The following ITPR1 variants were observed in gnomAD, a reference collection of about 807,000 sequenced individuals.
ITPR1 encodes inositol 1,4,5-trisphosphate-gated calcium channel ITPR1.
A neutral mutation model predicts 318.4 loss-of-function variants in ITPR1; 96 were observed. The observed-to-expected ratio is 0.30, with a 90% CI of 0.26 to 0.36. The LOEUF (loss-of-function observed/expected upper bound fraction) is 0.36. Among genes scored for constraint, ITPR1 ranks in the 10% least tolerant of loss-of-function variants. The probability of loss-of-function intolerance (pLI) is 1.00; values close to 1 mark genes in which losing one functional copy is unlikely to be tolerated. For synonymous variants in ITPR1, 1,312 were observed against 1,289.9 expected (o/e 1.02, Z -0.37); for missense variants, 2,440 against 3,460.2 (o/e 0.71, Z 7.40).
chr3:4,517,263 A>C (rs1466810935), intron 3 of ITPR1, among the ~76,000 whole-genome samples: 1 of 152,228 alleles, frequency 6.6e-6, no homozygotes, highest in Non-Finnish European at 1.5e-5. Flanking sequence ...AGGCAGACAG[A>C]GGCAGAATGG....
chr3:4,831,131 T>TCTCTCACACACACACACA (rs879032970), intron 60 of ITPR1: 104 of 349,450 alleles, frequency 3.0e-4, no homozygotes, highest in African/African-American at 7.4e-4. Context: ...TCTCTCTCTC[T>TCTCTCACACACACACACA]CACACACACA....
intron 4 of ITPR1, among the ~76,000 whole-genome samples, chr3:4,545,335 A>C (rs1456440898): frequency 6.6e-6 from 1 of 152,086 alleles, no homozygotes; most frequent in Non-Finnish European, 1.5e-5. Context: ...TATATTAAAG[A>C]ATTTGGACTG....
intron 45 of ITPR1, chr3:4,768,284 C>T (rs1559862576): frequency 2.2e-6 from 1 of 456,792 alleles, no homozygotes; most frequent in East Asian, 3.4e-5. Flanking sequence ...CTGAAACACA[C>T]TGTACACGTA....
intron 3 of ITPR1, among the ~76,000 whole-genome samples, chr3:4,517,197 C>T (rs367631771): frequency 5.3e-5 from 8 of 152,196 alleles, no homozygotes; most frequent in African/African-American, 7.2e-5. Flanking sequence ...TATCTTCTCC[C>T]GTCTCCTCCT....
At chr3:4,675,604 A>C (rs1395071155) in intron 23 of ITPR1, among the ~76,000 whole-genome samples, 1 of 152,238 alleles carries the variant, frequency 6.6e-6, no homozygotes, top group African/African-American at 2.4e-5. Context: ...TATAACAAAT[A>C]CATGTCCTAT....
At position 4,725,556 on chromosome 3, in the gene ITPR1, C is replaced by G. The variant is rs1209272366; in HGVS notation, c.5147C>G (p.Ala1716Gly). 3.8e-6 allele frequency: 6 copies of G among 1,599,212 alleles called. No homozygotes were observed. Among genetic ancestry groups the G allele is most frequent in the Non-Finnish European group, 5.1e-6 (6 of 1,179,580 alleles). The change falls in exon 41 of 62, where the codon GCT (alanine) becomes GGT (glycine). Residue 1716 changes from alanine (A) to glycine (G), a missense_variant. Physicochemically the swap from Ala to Gly is moderately conservative, Grantham distance 60. Around this residue, in one of 23 missense-constraint regions of ITPR1, gnomAD observed 166 missense variants for 143.7 expected, o/e 1.16. Coordinates refer to ENST00000649015, the MANE Select transcript of ITPR1 (RefSeq NM_001378452.1). ...TTTACTCCCAATTAGCTTCCTCCAGCTCCGGATTCTGAGAACGCCACTGAG... is the reference window on the plus strand; with the variant it reads ...TTTACTCCCAATTAGCTTCCTCCAGGTCCGGATTCTGAGAACGCCACTGAG... ...DELDNAELPP[A>G]PDSENATEEL... is the part of the protein sequence containing the mutation.
intron 52 of ITPR1, among the ~76,000 whole-genome samples, chr3:4,790,755 C>A (rs2047504335): frequency 6.6e-6 from 1 of 152,206 alleles, no homozygotes; most frequent in Non-Finnish European, 1.5e-5. Flanking sequence ...GTAGTGAGAT[C>A]CGTCTGAGAC....
intron 4 of ITPR1, among the ~76,000 whole-genome samples, chr3:4,559,908 C>G (rs2086506048): frequency 6.6e-6 from 1 of 152,142 alleles, no homozygotes; most frequent in Non-Finnish European, 1.5e-5. Context: ...ACATGCTAGT[C>G]TCCCCTCCTA....
At chr3:4,546,469 T>G (rs914328462) in intron 4 of ITPR1, among the ~76,000 whole-genome samples, 2 of 152,190 alleles carry the variant, frequency 1.3e-5, no homozygotes, top group African/African-American at 4.8e-5. Flanking sequence ...GACTTGGAGC[T>G]AAGAGTTCCT....
At chr3:4,671,517 C>G (rs959502930) in intron 20 of ITPR1, 1 of 152,296 alleles carries the variant, frequency 6.6e-6, no homozygotes, top group African/African-American at 2.4e-5. Context: ...TTTCATGACT[C>G]CCTCCAGCTG....
In ITPR1 at chr3:4,683,369, A is replaced by G. The variant is rs1351466055; in HGVS notation, c.3162-17A>G. The G allele has an allele frequency of 5.6e-6, 9 of 1,613,806 alleles. No homozygotes were observed. The highest frequency in any genetic ancestry group is 7.6e-6 in the Non-Finnish European group (9 of 1,179,854). On this transcript the variant is annotated splice_polypyrimidine_tract_variant and intron_variant, in intron 26 of 61. Coordinates refer to ENST00000649015, the MANE Select transcript of ITPR1 (RefSeq NM_001378452.1). ...TTTGTCATTCATTTGGCCTTTCCCC[A>G]CCTTGTGCTCCTTTAGTGAGGAGAA...
At chr3:4,728,016 G>T (rs931193575) in intron 42 of ITPR1, among the ~76,000 whole-genome samples, 3 of 152,174 alleles carry the variant, frequency 2.0e-5, no homozygotes, top group Non-Finnish European at 2.9e-5. Flanking sequence ...TTTAGTACTG[G>T]ATCTGAGCAT....
intron 4 of ITPR1, among the ~76,000 whole-genome samples, chr3:4,566,712 C>T (rs2087320728): frequency 6.6e-6 from 1 of 152,018 alleles, no homozygotes; most frequent in Non-Finnish European, 1.5e-5. Context: ...CAGATTCTTT[C>T]CTCCACCTTC....
chr3:4,733,259 A>G (rs756335264), intron 43 of ITPR1, 39 bp downstream of exon 43: 2 of 1,607,778 alleles, frequency 1.2e-6, no homozygotes, highest in Non-Finnish European at 8.5e-7. Flanking sequence ...GTGTGAATCA[A>G]GTGTGTTCTG....
intron 53 of ITPR1, chr3:4,799,854 G>C (rs1011808839): frequency 6.6e-6 from 1 of 152,334 alleles, no homozygotes; most frequent in South Asian, 2.1e-4. Flanking sequence ...GGAGAAATCT[G>C]ATTCAGGCAG....
chr3:4,683,135 T>C (rs1234754227), intron 26 of ITPR1, among the ~76,000 whole-genome samples: 1 of 152,246 alleles, frequency 6.6e-6, no homozygotes, highest in Non-Finnish European at 1.5e-5. Flanking sequence ...GAGAATCTAA[T>C]GCTAGTCTTG....
chr3:4,578,323 T>A (rs2088908318), intron 4 of ITPR1, among the ~76,000 whole-genome samples: 1 of 152,190 alleles, frequency 6.6e-6, no homozygotes, highest in South Asian at 2.1e-4. Flanking sequence ...CTCTTTTCTT[T>A]TGAGTGACAG....
At chr3:4,748,700 T>G (rs2044283690) in intron 44 of ITPR1, among the ~76,000 whole-genome samples, 1 of 152,174 alleles carries the variant, frequency 6.6e-6, no homozygotes, top group Admixed American at 6.5e-5. Context: ...TATGCCTGTC[T>G]TATATTTACA....
intron 4 of ITPR1, among the ~76,000 whole-genome samples, chr3:4,581,871 C>G (rs2089378634): frequency 6.6e-6 from 1 of 151,622 alleles, no homozygotes. Context: ...TTTAGACAGG[C>G]TTTTTTCTTT....
Sources: allele counts gnomAD v4.1 joint callset (sites outside exome capture counted in the v4.1 genomes callset), GRCh38; gene constraint gnomAD v4.1.1; regional missense constraint gnomAD v4.1.1; transcripts MANE v1.5; gene names NCBI Gene and HGNC (gene_info 2026-07-23, HGNC 2026-07-21).